PPP2R2C: variants seen among roughly 807,000 people sequenced by gnomAD.
The protein encoded by PPP2R2C is protein phosphatase 2, regulatory subunit B, gamma.
PPP2R2C carries 10 observed loss-of-function variants against 45.3 expected under a neutral mutation model. That is an observed-to-expected ratio of 0.22 (90% confidence interval 0.14 to 0.37). The LOEUF (loss-of-function observed/expected upper bound fraction) is 0.37. Among genes scored for constraint, PPP2R2C ranks in the 10% least tolerant of loss-of-function variants. The pLI, the probability that PPP2R2C is intolerant of heterozygous loss-of-function variation, is 1.00. For synonymous variants in PPP2R2C, 257 were observed against 245.4 expected (o/e 1.05, Z -0.44); for missense variants, 308 against 619.7 (o/e 0.50, Z 5.34).
chr4:6,488,065 GTTTGA>G (rs1367069638), intron 2 of PPP2R2C, among the ~76,000 whole-genome samples: 1 of 152,216 alleles, frequency 6.6e-6, no homozygotes, highest in East Asian at 1.9e-4. Flanking sequence ...ATCTGTAGTA[GTTTGA>G]TTTATGTCTT....
chr4:6,376,682 G>A (rs1040462650), intron 3 of PPP2R2C, among the ~76,000 whole-genome samples: 1 of 152,070 alleles, frequency 6.6e-6, no homozygotes, highest in Admixed American at 6.5e-5. Context: ...TCAAACTTCT[G>A]GGCTCAAGTA....
At chr4:6,335,193 C>G (rs73075114) in intron 6 of PPP2R2C, among the ~76,000 whole-genome samples, 2,698 of 152,272 alleles carry the variant, frequency 0.018, 88 homozygotes, top group African/African-American at 0.061. Flanking sequence ...CCAACATTCT[C>G]CTTGCAGATA....
chr4:6,375,884 C>T lies in PPP2R2C; in HGVS notation c.382G>A (p.Glu128Lys), dbSNP rs1715261178. 4 of 1,614,160 alleles carry T rather than the reference C, an allele frequency of 2.5e-6. No homozygotes were observed. The highest frequency in any genetic ancestry group is 2.2e-5 in the East Asian group (1 of 44,890). Residue 128 changes from glutamate (E) to lysine (K), a missense_variant, in exon 4 of 9, where the codon GAA becomes AAA. Glu to Lys is a moderately conservative substitution (Grantham distance 56, BLOSUM62 1). Coordinates refer to ENST00000382599, the MANE Select transcript of PPP2R2C (RefSeq NM_020416.4). ...TCTTCATCCTTCAGGTTGTATCCTT[C>T]GGGCCTTTTATCTCGTTCGGTAATC... ...WKITERDKRP[E>K]GYNLKDEEGK...
chr4:6,416,096 A>G (rs1206396546), intron 1 of PPP2R2C, among the ~76,000 whole-genome samples: 1 of 131,528 alleles, frequency 7.6e-6, no homozygotes, highest in Non-Finnish European at 1.7e-5. Flanking sequence ...TTTAAACACA[A>G]CATGTCTAAG....
intron 5 of PPP2R2C, among the ~76,000 whole-genome samples, chr4:6,372,027 G>A (rs563156191): frequency 2.6e-5 from 4 of 152,270 alleles, no homozygotes; most frequent in East Asian, 1.9e-4. Flanking sequence ...GGAGAACACC[G>A]AGCAGGGGGC....
intron 2 of PPP2R2C, among the ~76,000 whole-genome samples, chr4:6,513,748 C>T (rs1448550277): frequency 2.0e-5 from 3 of 152,148 alleles, no homozygotes; most frequent in Non-Finnish European, 4.4e-5. Flanking sequence ...ATGAAAAGGG[C>T]GTGCACTGGG....
At chr4:6,539,985 C>T (rs1248548527) in intron 1 of PPP2R2C, among the ~76,000 whole-genome samples, 1 of 152,202 alleles carries the variant, frequency 6.6e-6, no homozygotes, top group African/African-American at 2.4e-5. Flanking sequence ...CTGCAGTTAG[C>T]CCTGCCCTAC....
chr4:6,533,868 C>T (rs967675949), intron 2 of PPP2R2C, among the ~76,000 whole-genome samples: 19 of 152,050 alleles, frequency 1.2e-4, no homozygotes, highest in African/African-American at 3.6e-4. Context: ...TGTGTGAACA[C>T]GCCCCCAATA....
chr4:6,505,646 G>A (rs1474774610), intron 2 of PPP2R2C, among the ~76,000 whole-genome samples: 2 of 152,170 alleles, frequency 1.3e-5, no homozygotes, highest in African/African-American at 4.8e-5. Context: ...AAAGCTCATA[G>A]ATAAATTAAA....
chr4:6,366,943 A>G (rs1714371694), intron 5 of PPP2R2C, among the ~76,000 whole-genome samples: 1 of 152,020 alleles, frequency 6.6e-6, no homozygotes. Flanking sequence ...GGTTCCGATG[A>G]GCCAATTTCA....
At chr4:6,466,172 A>G in intron 1 of PPP2R2C, among the ~76,000 whole-genome samples, 1 of 152,234 alleles carries the variant, frequency 6.6e-6, no homozygotes, top group East Asian at 1.9e-4. Flanking sequence ...CATGGGGCTC[A>G]GACGCTCAAG....
intron 1 of PPP2R2C, among the ~76,000 whole-genome samples, chr4:6,401,770 G>A (rs763764725): frequency 1.3e-5 from 2 of 152,202 alleles, no homozygotes; most frequent in East Asian, 1.9e-4. Flanking sequence ...AAAGTCACAA[G>A]TGACACTGGA....
At chr4:6,403,538 C>T (rs941498574) in intron 1 of PPP2R2C, among the ~76,000 whole-genome samples, 1 of 152,168 alleles carries the variant, frequency 6.6e-6, no homozygotes, top group Non-Finnish European at 1.5e-5. Context: ...CCTGGGAGCA[C>T]GCTGGCAGAG....
intron 1 of PPP2R2C, among the ~76,000 whole-genome samples, chr4:6,406,807 T>G (rs1717826985): frequency 6.6e-6 from 1 of 152,110 alleles, no homozygotes; most frequent in Admixed American, 6.5e-5. Context: ...AAAAGGTATG[T>G]CCACACTCTA....
chr4:6,390,603 A>T (rs575847686), intron 1 of PPP2R2C, among the ~76,000 whole-genome samples: 1 of 152,332 alleles, frequency 6.6e-6, no homozygotes, highest in South Asian at 2.1e-4. Context: ...TGTTGCCGGG[A>T]CTGGACATCA....
intron 1 of PPP2R2C, among the ~76,000 whole-genome samples, chr4:6,543,549 C>G (rs1034449572): frequency 6.6e-6 from 1 of 152,150 alleles, no homozygotes; most frequent in Non-Finnish European, 1.5e-5. Flanking sequence ...GGCCAAACCC[C>G]GTCTCTACTA....
chr4:6,377,431 G>A (rs35171806), intron 3 of PPP2R2C, among the ~76,000 whole-genome samples: 74,077 of 151,922 alleles, frequency 0.49, 20,506 homozygotes, highest in Non-Finnish European at 0.62. Flanking sequence ...TGAGGCAGGC[G>A]GATCACCCGA....
At chr4:6,510,113 G>A (rs1460126148) in intron 2 of PPP2R2C, among the ~76,000 whole-genome samples, 1 of 152,020 alleles carries the variant, frequency 6.6e-6, no homozygotes, top group Non-Finnish European at 1.5e-5. Context: ...CCACTCAGCA[G>A]AACAAATGGC....
At position 6,471,171 on chromosome 4, in the gene PPP2R2C, CG is replaced by C. The variant is rs1721857036; in HGVS notation, c.70+988del. Among the ~76,000 whole-genome samples, 4 of 152,290 alleles carry C rather than the reference CG, an allele frequency of 2.6e-5. No homozygotes were observed. The South Asian group carries it at 8.3e-4, about 32-fold the overall frequency. On this transcript the variant is annotated intron_variant, in intron 1 of 8. Transcript: ENST00000382599. This position sits in a 1 kb window ranked among gnomAD's most constrained non-coding sequence, Gnocchi z 5.6. ...GGCCCCTCCCACTGGGGCACCCACC[CG>C]GGGAATCCGCGCACACTTCTGCGGC...
Sources: allele counts gnomAD v4.1 joint callset (sites outside exome capture counted in the v4.1 genomes callset), GRCh38; gene constraint gnomAD v4.1.1; non-coding constraint Gnocchi (gnomAD v3.1); transcripts MANE v1.5; gene names NCBI Gene and HGNC (gene_info 2026-07-23, HGNC 2026-07-21).